The following GREB1 variants were observed in gnomAD, a reference collection of about 807,000 sequenced individuals.
GREB1 encodes the protein protein GREB1.
In GREB1, 106 loss-of-function variants were observed where a neutral mutation model predicts 200.7. That is an observed-to-expected ratio of 0.53 (90% confidence interval 0.45 to 0.62). The LOEUF (loss-of-function observed/expected upper bound fraction) is 0.62, where lower values mean the gene tolerates loss of function less well. Among genes scored for constraint, GREB1 ranks in the 20% least tolerant of loss-of-function variants. The pLI is 0.00. For synonymous variants in GREB1, 1,132 were observed against 1,092.4 expected (o/e 1.04, Z -0.72); for missense variants, 2,243 against 2,556.8 (o/e 0.88, Z 2.65).
Position 11,612,498 on chromosome 2 carries a change from T to A in GREB1, c.3010T>A (p.Trp1004Arg). The A allele has an allele frequency of 6.2e-7, 1 of 1,602,404 alleles. No homozygotes were observed. The highest frequency in any genetic ancestry group is 8.5e-7 in the Non-Finnish European group (1 of 1,169,686). ...GKHFVKQLRM[W>R]QKIEDVEWRP... ...ATTTCTTTTTCGTTATCTGCAGATG[T>A]GGCAGAAAATTGAGGATGTGGAGTG... The change falls in exon 19 of 33, where the codon TGG becomes AGG. Residue 1004 changes from tryptophan to arginine, a missense_variant. Coordinates refer to ENST00000381486, the MANE Select transcript of GREB1 (RefSeq NM_014668.4).
At chr2:11,591,587 A>C in intron 10 of GREB1, 1 of 636,896 alleles carries the variant, frequency 1.6e-6, no homozygotes, top group Non-Finnish European at 2.9e-6. Flanking sequence ...CGGTAAAACC[A>C]GCGCTTGTCC....
intron 1 of GREB1, among the ~76,000 whole-genome samples, chr2:11,482,935 C>G (rs1400465175): frequency 6.6e-6 from 1 of 151,210 alleles, no homozygotes; most frequent in Non-Finnish European, 1.5e-5. Context: ...GGAGCGGGGC[C>G]GCGGCGGCCG....
At position 11,600,888 on chromosome 2, in the gene GREB1, C is replaced by G. The variant is rs762622244; in HGVS notation, c.2422C>G (p.Pro808Ala). 1.1e-5 allele frequency: 17 copies of G among 1,613,928 alleles called. No individual in the cohort carries two copies. Among genetic ancestry groups the G allele is most frequent in the Non-Finnish European group, 1.4e-5 (17 of 1,179,942 alleles). ...CAACTGCAGGGAGGTGAAGGAGGCC[C>G]CCAACATTGTGACACTTCACGTGAC... ...LLNCREVKEA[P>A]NIVTLHVTSF... The change falls in exon 16 of 33, where the codon CCC (proline) becomes GCC (alanine). Residue 808 changes from proline (P) to alanine (A), a missense_variant. Around this residue, in one of 3 missense-constraint regions of GREB1, gnomAD observed 1,178 missense variants for 1,387.4 expected, o/e 0.85. Transcript: ENST00000381486.
At chr2:11,621,057 TTCTC>T in intron 23 of GREB1, 50 bp downstream of exon 23, 4 of 1,013,314 alleles carry the variant, frequency 3.9e-6, no homozygotes, top group Non-Finnish European at 6.3e-6. Flanking sequence ...CTTCATCACT[TTCTC>T]AAGTGACTTT....
Position 11,492,209 on chromosome 2 carries a change from A to C in GREB1, c.-159+9828A>C, listed in dbSNP as rs1672788121. On this transcript the variant is annotated intron_variant, in intron 1 of 2. Coordinates refer to the GREB1 transcript ENST00000628795. This position sits in a 1 kb window ranked among gnomAD's most constrained non-coding sequence, Gnocchi z 4.0. ...ACTGGAGCATCGTCATGGACACGCCAGGCCTGAGTGGGCTCTTCCCTCATG... is the reference window on the plus strand; with the variant it reads ...ACTGGAGCATCGTCATGGACACGCCCGGCCTGAGTGGGCTCTTCCCTCATG... Among the ~76,000 whole-genome samples, 1 of 152,214 alleles carries C rather than the reference A, an allele frequency of 6.6e-6. No homozygotes were observed. The highest frequency in any genetic ancestry group is 2.4e-5 in the African/African-American group (1 of 41,454).
intron 10 of GREB1, among the ~76,000 whole-genome samples, chr2:11,591,136 G>A (rs1680687582): frequency 6.6e-6 from 1 of 152,214 alleles, no homozygotes; most frequent in African/African-American, 2.4e-5. Context: ...TTAAAGATGA[G>A]AGAGATAACG....
In GREB1 at chr2:11,566,665, T is replaced by TGCGGG. The variant is rs1677700630; in HGVS notation, c.454+11_454+12insGGGGC. 6.2e-7 allele frequency: 1 copy of TGCGGG among 1,603,248 alleles called. No homozygotes were observed. The highest frequency in any genetic ancestry group is 1.3e-5 in the African/African-American group (1 of 74,630). Reference sequence around the variant, plus strand: ...CCACAATGCTCTTCTTGGTAAGTACTGCTTTGTCATCCTCTGTGGCTCCTT... The same window carrying TGCGGG: ...CCACAATGCTCTTCTTGGTAAGTACTGCGGGGCTTTGTCATCCTCTGTGGCTCCTT... On this transcript the variant is annotated intron_variant, in intron 4 of 32. Transcript: ENST00000381486.
intron 1 of GREB1, among the ~76,000 whole-genome samples, chr2:11,535,614 G>C (rs1229642897): frequency 6.6e-6 from 1 of 152,086 alleles, no homozygotes; most frequent in Non-Finnish European, 1.5e-5. Context: ...AGAGAAATAA[G>C]GTGTGTGTTG....
chr2:11,498,827 G>A (rs904672051), intron 1 of GREB1, among the ~76,000 whole-genome samples: 32 of 152,194 alleles, frequency 2.1e-4, no homozygotes, highest in African/African-American at 7.2e-4. Context: ...CAGACTCACC[G>A]AAACTGCTGA....
At chr2:11,626,277 T>C (rs1684444430) in intron 24 of GREB1, among the ~76,000 whole-genome samples, 1 of 151,930 alleles carries the variant, frequency 6.6e-6, no homozygotes, top group Non-Finnish European at 1.5e-5. Context: ...AAAATCTTAA[T>C]CGGCGAGGTC....
At chr2:11,502,099 T>C (rs1448988762) in intron 1 of GREB1, among the ~76,000 whole-genome samples, 1 of 151,006 alleles carries the variant, frequency 6.6e-6, no homozygotes, top group East Asian at 1.9e-4. Flanking sequence ...GTATTATTAG[T>C]AGAGACGGCG....
chr2:11,512,648 C>T (rs1427173654), intron 1 of GREB1, among the ~76,000 whole-genome samples: 2 of 152,162 alleles, frequency 1.3e-5, no homozygotes, highest in African/African-American at 2.4e-5. Flanking sequence ...CTCCACACCC[C>T]ACCAGCTAGT....
At chr2:11,499,605 T>C (rs531276859) in intron 1 of GREB1, among the ~76,000 whole-genome samples, 1 of 152,382 alleles carries the variant, frequency 6.6e-6, no homozygotes, top group East Asian at 1.9e-4. Flanking sequence ...ATTTATCTGA[T>C]GAAAGTAATT....
chr2:11,562,744 G>C, intron 3 of GREB1, 162 bp downstream of exon 3: 2 of 751,286 alleles, frequency 2.7e-6, no homozygotes, highest in Non-Finnish European at 4.0e-6. Flanking sequence ...CCCGCAGCAG[G>C]TGCTGGCCCG....
At chr2:11,566,837 T>A (rs1230337324) in intron 4 of GREB1, among the ~76,000 whole-genome samples, 181 bp downstream of exon 4, 1 of 152,174 alleles carries the variant, frequency 6.6e-6, no homozygotes, top group African/African-American at 2.4e-5. Flanking sequence ...GCAAATGAGA[T>A]GCATTTACAG....
At position 11,625,980 on chromosome 2, in the gene GREB1, C is replaced by G. The variant is rs555767929; in HGVS notation, c.4306+668C>G. 4.6e-5 allele frequency among the ~76,000 whole-genome samples: 7 copies of G among 152,214 alleles called. No individual in the cohort carries two copies. In the South Asian group the frequency reaches 1.5e-3, roughly 32 times the overall value. The stretch of plus-strand genomic sequence containing the variant: ...GTGAGAGCCCAGCAAAAGGGGAAAC[C>G]CCTTAGAAAACCATTGCATCTCGTG... On this transcript the variant is annotated intron_variant, in intron 24 of 32. Coordinates refer to ENST00000381486, the MANE Select transcript of GREB1 (RefSeq NM_014668.4).
intron 17 of GREB1, among the ~76,000 whole-genome samples, chr2:11,608,387 A>G (rs77253378): frequency 0.035 from 5,394 of 152,146 alleles, 327 homozygotes; most frequent in African/African-American, 0.12. Context: ...CTACTGATCA[A>G]TTGGTTCCCC....
chr2:11,577,059 CA>C (rs376247573), intron 5 of GREB1, among the ~76,000 whole-genome samples: 8 of 144,724 alleles, frequency 5.5e-5, no homozygotes, highest in Non-Finnish European at 9.1e-5. Flanking sequence ...AACAAACGAA[CA>C]AAAAAAAAAC....
intron 1 of GREB1, among the ~76,000 whole-genome samples, chr2:11,519,851 A>G (rs73187485): frequency 0.018 from 2,788 of 152,306 alleles, 77 homozygotes; most frequent in African/African-American, 0.063. Flanking sequence ...AAAAAATTAA[A>G]TGAGGCCAAG....
Sources: gnomAD v4.1 joint callset for allele counts (sites outside exome capture counted in the v4.1 genomes callset) on GRCh38, gnomAD v4.1.1 for gene constraint, gnomAD v4.1.1 regional missense constraint, Gnocchi (gnomAD v3.1) non-coding constraint, MANE v1.5 for transcripts, NCBI Gene and HGNC (gene_info 2026-07-23, HGNC 2026-07-21) for gene names.